TCERG1L: variants seen among roughly 807,000 people sequenced by gnomAD.
TCERG1L encodes transcription elongation regulator 1-like protein.
TCERG1L carries 37 observed loss-of-function variants against 56.3 expected under a neutral mutation model. That is an observed-to-expected ratio of 0.66 (90% CI 0.51 to 0.87). The LOEUF (loss-of-function observed/expected upper bound fraction) is 0.87, where lower values mean the gene tolerates loss of function less well. TCERG1L is among the 40% of genes least tolerant of loss of function. The pLI, the probability that TCERG1L is intolerant of heterozygous loss-of-function variation, is 0.00. For synonymous variants in TCERG1L, 324 were observed against 326.3 expected, an observed-to-expected ratio of 0.99 and a Z score of 0.08; for missense variants, 799 against 774.2, an observed-to-expected ratio of 1.03 and a Z score of -0.38.
At chr10:131,188,546 T>C (rs995516106) in intron 4 of TCERG1L, among the ~76,000 whole-genome samples, 5 of 152,174 alleles carry the variant, frequency 3.3e-5, no homozygotes, top group African/African-American at 1.2e-4. Flanking sequence ...TTTATACATT[T>C]CCATTACTCC....
At position 131,191,220 on chromosome 10, in the gene TCERG1L, A is replaced by G. The variant is rs553366397; in HGVS notation, c.857-24335T>C. Among the ~76,000 whole-genome samples the G allele has an allele frequency of 2.8e-5, 4 of 144,608 alleles. 1 individual carries two copies. The highest frequency in any genetic ancestry group is 6.9e-5 in the Admixed American group (1 of 14,536). 94.9% of individuals were successfully genotyped at this position (144,608 alleles called of 152,430 possible). A position where few individuals can be genotyped will look rare whatever the true frequency, so the allele number is the denominator to read the frequency against. ...AGGAGAACTACAAAACACTGCTGAA[A>G]GAAATCATAGATGACTCAAACTAAT... On this transcript the variant is annotated intron_variant, in intron 4 of 11. Coordinates refer to ENST00000368642, the MANE Select transcript of TCERG1L (RefSeq NM_174937.4).
intron 3 of TCERG1L, among the ~76,000 whole-genome samples, chr10:131,263,163 A>G (rs1225305918): frequency 6.6e-6 from 1 of 152,096 alleles, no homozygotes; most frequent in Non-Finnish European, 1.5e-5. Context: ...ACCAGCAGTG[A>G]ATGGGAGTTC....
chr10:131,127,635 G>C (rs1282498829), intron 8 of TCERG1L, among the ~76,000 whole-genome samples: 1 of 152,212 alleles, frequency 6.6e-6, no homozygotes, highest in African/African-American at 2.4e-5. Context: ...TTCAGATAGA[G>C]TGCAATGCAG....
intron 4 of TCERG1L, among the ~76,000 whole-genome samples, chr10:131,174,631 T>C (rs1431568683): frequency 1.3e-5 from 2 of 152,174 alleles, no homozygotes; most frequent in African/African-American, 4.8e-5. Flanking sequence ...AAACAGCAAA[T>C]CATTTCTGAG....
chr10:131,308,985 G>A (rs1434220250), intron 2 of TCERG1L, among the ~76,000 whole-genome samples, 168 bp downstream of exon 2: 1 of 152,158 alleles, frequency 6.6e-6, no homozygotes, highest in African/African-American at 2.4e-5. Flanking sequence ...CCCCCCACCA[G>A]CTGATATTTT....
chr10:131,249,582 T>C (rs766359010), intron 4 of TCERG1L, among the ~76,000 whole-genome samples: 12 of 152,370 alleles, frequency 7.9e-5, no homozygotes, highest in Non-Finnish European at 1.5e-4. Context: ...TTTCTTTCTT[T>C]TTTGTTGTAA....
chr10:131,239,895 G>T (rs2133519560), intron 4 of TCERG1L, among the ~76,000 whole-genome samples: 1 of 152,330 alleles, frequency 6.6e-6, no homozygotes, highest in East Asian at 1.9e-4. Context: ...AAAGGGTGCG[G>T]TGTCTTCCTA....
chr10:131,174,756 A>G (rs77414193), intron 4 of TCERG1L, among the ~76,000 whole-genome samples: 2,057 of 152,222 alleles, frequency 0.014, 33 homozygotes, highest in African/African-American at 0.046. Context: ...GGGTTGTAAA[A>G]TGCTCAGACC....
At chr10:131,300,742 A>AT (rs987468347) in intron 3 of TCERG1L, among the ~76,000 whole-genome samples, 7 of 152,290 alleles carry the variant, frequency 4.6e-5, no homozygotes, top group African/African-American at 1.4e-4. Context: ...TCAATAGTTT[A>AT]TCACTTCTTG....
In TCERG1L at chr10:131,118,461, T is replaced by C. The variant is rs915907992; in HGVS notation, c.1260-1527A>G. 8.5e-5 allele frequency among the ~76,000 whole-genome samples: 13 copies of C among 152,186 alleles called. No homozygotes were observed. Among genetic ancestry groups the C allele is most frequent in the African/African-American group, 2.2e-4 (9 of 41,454 alleles). Reference sequence around the variant, plus strand: ...AGTAGGCCTAGGATTCTGAACTTCATGCTCACCTTTGCATTGCCCAATGTG... The same window carrying C: ...AGTAGGCCTAGGATTCTGAACTTCACGCTCACCTTTGCATTGCCCAATGTG... On this transcript the variant is annotated intron_variant, in intron 8 of 11. Transcript: ENST00000368642. This position sits in a 1 kb window ranked among gnomAD's most constrained non-coding sequence, Gnocchi z 4.2.
chr10:131,200,537 C>T (rs772112257), intron 4 of TCERG1L, among the ~76,000 whole-genome samples: 1 of 152,214 alleles, frequency 6.6e-6, no homozygotes, highest in Non-Finnish European at 1.5e-5. Context: ...GATGTTTATC[C>T]TATGTGTGTT....
chr10:131,231,539 C>G (rs904326931), intron 4 of TCERG1L, among the ~76,000 whole-genome samples: 4 of 152,234 alleles, frequency 2.6e-5, no homozygotes, highest in Non-Finnish European at 4.4e-5. Flanking sequence ...TTCTGAGGTG[C>G]AGCCTCAGGA....
intron 4 of TCERG1L, among the ~76,000 whole-genome samples, chr10:131,169,815 T>C (rs1477322556): frequency 6.6e-6 from 1 of 152,212 alleles, no homozygotes; most frequent in African/African-American, 2.4e-5. Context: ...TTAGGAACAC[T>C]GGCAGCCTGC....
chr10:131,194,747 T>C (rs1305688421), intron 4 of TCERG1L, among the ~76,000 whole-genome samples: 1 of 152,248 alleles, frequency 6.6e-6, no homozygotes, highest in Non-Finnish European at 1.5e-5. Flanking sequence ...GCGGCTGCCC[T>C]GTTTTCTCAA....
chr10:131,095,086 C>T (rs1845227568), intron 11 of TCERG1L: 1 of 152,554 alleles, frequency 6.6e-6, no homozygotes, highest in African/African-American at 2.4e-5. Flanking sequence ...TGGATCTCTG[C>T]TCTCCCTCTG....
intron 8 of TCERG1L, among the ~76,000 whole-genome samples, chr10:131,131,609 G>C (rs928263828): frequency 2.6e-5 from 4 of 152,180 alleles, no homozygotes; most frequent in Admixed American, 6.5e-5. Context: ...TTCAGGAAAA[G>C]TTTCATGTGG....
chr10:131,097,504 C>T (rs1383876794), intron 11 of TCERG1L, among the ~76,000 whole-genome samples: 1 of 152,076 alleles, frequency 6.6e-6, no homozygotes, highest in East Asian at 1.9e-4. Context: ...CCCACCACCA[C>T]GCCCGGCTAA....
intron 6 of TCERG1L, among the ~76,000 whole-genome samples, chr10:131,152,017 CAG>C (rs1228215728): frequency 6.6e-6 from 1 of 152,222 alleles, no homozygotes; most frequent in African/African-American, 2.4e-5. Flanking sequence ...CAAGGCTGCA[CAG>C]AGCAGGGTGA....
chr10:131,189,635 T>A (rs1845283734), intron 4 of TCERG1L, among the ~76,000 whole-genome samples: 1 of 152,248 alleles, frequency 6.6e-6, no homozygotes, highest in African/African-American at 2.4e-5. Context: ...AGTGCTGTGA[T>A]AAACAGGAGT....
Sources: gnomAD v4.1 joint callset for allele counts (sites outside exome capture counted in the v4.1 genomes callset) on GRCh38, gnomAD v4.1.1 for gene constraint, Gnocchi (gnomAD v3.1) non-coding constraint, MANE v1.5 for transcripts, NCBI Gene and HGNC (gene_info 2026-07-23, HGNC 2026-07-21) for gene names.